Variants in IQGAP2 observed in about 807,000 individuals in gnomAD.
The protein encoded by IQGAP2 is ras GTPase-activating-like protein IQGAP2.
A neutral mutation model predicts 201.3 loss-of-function variants in IQGAP2; 173 were observed. The observed-to-expected ratio is 0.86, with a 90% CI of 0.76 to 0.98. IQGAP2 has a LOEUF of 0.98. IQGAP2 is among the 50% of genes least tolerant of loss of function. The pLI, the probability that IQGAP2 is intolerant of heterozygous loss-of-function variation, is 0.00. For synonymous variants in IQGAP2, 675 were observed against 673.9 expected, an observed-to-expected ratio of 1.00 and a Z score of -0.03; for missense variants, 1,687 against 1,864.8, an observed-to-expected ratio of 0.90 and a Z score of 1.76.
intron 31 of IQGAP2, chr5:76,693,745 T>C (rs1436099748): frequency 4.4e-6 from 1 of 228,740 alleles, no homozygotes; most frequent in Non-Finnish European, 8.6e-6. Context: ...AATAAGTCAG[T>C]TGAGAGAGTT....
intron 10 of IQGAP2, 105 bp downstream of exon 10, chr5:76,597,707 TTGTA>T: frequency 8.3e-7 from 1 of 1,203,912 alleles, no homozygotes; most frequent in Non-Finnish European, 1.2e-6. Context: ...GATCTCTAAT[TTGTA>T]CCAGTCCTGG....
chr5:76,595,929 G>A (rs1747004823), intron 9 of IQGAP2, among the ~76,000 whole-genome samples: 1 of 152,170 alleles, frequency 6.6e-6, no homozygotes. Context: ...AGGCCTTGGA[G>A]TAACTTTAGC....
At chr5:76,471,368 A>AC (rs201363727) in intron 2 of IQGAP2, among the ~76,000 whole-genome samples, 81 of 50,308 alleles carry the variant, frequency 1.6e-3, no homozygotes, top group African/African-American at 4.7e-3. Flanking sequence ...ACTAAGCAAA[A>AC]AAAAAAAAAA....
At chr5:76,570,540 G>T in intron 3 of IQGAP2, 40 bp from the exon 4 acceptor site, 1 of 1,390,422 alleles carries the variant, frequency 7.2e-7, no homozygotes, top group Non-Finnish European at 1.0e-6. Context: ...CTTTTTGTGT[G>T]GTTCCTTCTC....
chr5:76,562,777 A>T (rs942311346), intron 3 of IQGAP2, among the ~76,000 whole-genome samples: 1 of 152,176 alleles, frequency 6.6e-6, no homozygotes, highest in African/African-American at 2.4e-5. Context: ...GGGCTTCCCA[A>T]TGCCTCCCCC....
At position 76,707,249 on chromosome 5, in the gene IQGAP2, A is replaced by G. The variant is rs767176823; in HGVS notation, c.4664A>G (p.Asp1555Gly). 2 of 1,584,606 alleles carry G rather than the reference A, an allele frequency of 1.3e-6. No homozygotes were observed. Among genetic ancestry groups the G allele is most frequent in the East Asian group, 2.2e-5 (1 of 44,702 alleles). Residue 1555 changes from aspartate to glycine, a missense_variant, in exon 36 of 36, where the codon GAT becomes GGT. Transcript: ENST00000274364. ...YEGVAVMKMF[D>G]KVKVNVNLLI... ...GGAGTAGCTGTAATGAAAATGTTTG[A>G]TAAGGTTAAAGTGAATGTAAACCTT...
At chr5:76,500,902 T>C (rs1022196768) in intron 2 of IQGAP2, among the ~76,000 whole-genome samples, 1 of 152,178 alleles carries the variant, frequency 6.6e-6, no homozygotes, top group African/African-American at 2.4e-5. Flanking sequence ...GAAACCTACA[T>C]TTCAGAATGT....
chr5:76,600,784 G>A, intron 10 of IQGAP2, 28 bp from the exon 11 acceptor site: 1 of 1,612,620 alleles, frequency 6.2e-7, no homozygotes, highest in Non-Finnish European at 8.5e-7. Context: ...TGTGTGGGGA[G>A]CTTATGTTGC....
chr5:76,697,219 G>A (rs921196939), intron 32 of IQGAP2, among the ~76,000 whole-genome samples: 4 of 152,158 alleles, frequency 2.6e-5, no homozygotes, highest in East Asian at 1.9e-4. Context: ...ACAGCCCAGT[G>A]TTGTTTTTTC....
intron 5 of IQGAP2, among the ~76,000 whole-genome samples, chr5:76,578,412 A>G (rs1745613254): frequency 6.6e-6 from 1 of 152,014 alleles, no homozygotes; most frequent in Non-Finnish European, 1.5e-5. Flanking sequence ...TTCCGGGTTC[A>G]GGTGATTCTC....
At chr5:76,607,566 G>C (rs1220814811) in intron 12 of IQGAP2, 1 of 152,158 alleles carries the variant, frequency 6.6e-6, no homozygotes, top group East Asian at 1.9e-4. Flanking sequence ...AGTCTCTGCG[G>C]TGAGACGGCT....
chr5:76,507,927 C>G (rs527330856), intron 2 of IQGAP2, among the ~76,000 whole-genome samples: 1 of 146,756 alleles, frequency 6.8e-6, no homozygotes, highest in East Asian at 2.0e-4. Flanking sequence ...AAGAATTGCT[C>G]GAACCTGGGA....
intron 17 of IQGAP2, among the ~76,000 whole-genome samples, chr5:76,643,672 A>T (rs1751771592): frequency 6.6e-6 from 1 of 152,192 alleles, no homozygotes; most frequent in Non-Finnish European, 1.5e-5. Context: ...GAAGAAAGCT[A>T]GTATACTACT....
In IQGAP2 at chr5:76,671,224, ACT is replaced by A. The variant is rs528253529; in HGVS notation, c.2844-531_2844-530del. Reference sequence around the variant, plus strand: ...TGCAGTGAGCCAAGATGGCGCTACTACTCTCCAACCTGGGCAGTAGAGTGAGA... The same window carrying A: ...TGCAGTGAGCCAAGATGGCGCTACTACTCCAACCTGGGCAGTAGAGTGAGA... On this transcript the variant is annotated intron_variant, in intron 23 of 35. Coordinates refer to ENST00000274364, the MANE Select transcript of IQGAP2 (RefSeq NM_006633.5). Among the ~76,000 whole-genome samples, 10 of 151,790 alleles carry A rather than the reference ACT, an allele frequency of 6.6e-5. No individual in the cohort carries two copies. In the East Asian group the frequency reaches 2.0e-3, roughly 30 times the overall value.
At chr5:76,466,631 C>G (rs6890308) in intron 2 of IQGAP2, among the ~76,000 whole-genome samples, 33,558 of 152,074 alleles carry the variant, frequency 0.22, 4,034 homozygotes, top group Middle Eastern at 0.31. Context: ...ACAGAGGATG[C>G]TGACTACTCA....
At chr5:76,579,025 G>A (rs1430503235) in intron 5 of IQGAP2, among the ~76,000 whole-genome samples, 2 of 152,002 alleles carry the variant, frequency 1.3e-5, no homozygotes, top group African/African-American at 4.8e-5. Context: ...ACTGTTACTT[G>A]TTTAAACAGT....
chr5:76,438,401 T>C (rs1752838134), intron 1 of IQGAP2, among the ~76,000 whole-genome samples: 1 of 151,980 alleles, frequency 6.6e-6, no homozygotes, highest in Non-Finnish European at 1.5e-5. Flanking sequence ...TCTCAAGTGA[T>C]CCTTTGTATT....
At chr5:76,590,924 GAAAATA>G (rs143176047) in intron 8 of IQGAP2, among the ~76,000 whole-genome samples, 22,952 of 151,574 alleles carry the variant, frequency 0.15, 1,881 homozygotes, top group Admixed American at 0.27. Context: ...CTGTCTCTAA[GAAAATA>G]AAAATAAAAA....
chr5:76,705,745 G>GC (rs1200654865), intron 35 of IQGAP2, among the ~76,000 whole-genome samples: 1 of 152,180 alleles, frequency 6.6e-6, no homozygotes. Context: ...GGAGGAAGCT[G>GC]CCAAGAGTCA....
Sources: gnomAD v4.1 joint callset for allele counts (sites outside exome capture counted in the v4.1 genomes callset) on GRCh38, gnomAD v4.1.1 for gene constraint, MANE v1.5 for transcripts, NCBI Gene and HGNC (gene_info 2026-07-23, HGNC 2026-07-21) for gene names.